Variants in CRIM1 observed in about 807,000 individuals in gnomAD.
CRIM1 encodes the protein cysteine-rich motor neuron 1 protein.
In CRIM1, 32 loss-of-function variants were observed where a neutral mutation model predicts 116.4. That is an observed-to-expected ratio of 0.27 (90% CI 0.21 to 0.37). The LOEUF is 0.37. CRIM1 is among the 10% of genes least tolerant of loss of function. The pLI is 1.00. For synonymous variants in CRIM1, 590 were observed against 509.2 expected (o/e 1.16, Z -2.13); for missense variants, 1,331 against 1,354.8 (o/e 0.98, Z 0.28).
intron 6 of CRIM1, among the ~76,000 whole-genome samples, chr2:36,477,363 A>G (rs1270244581): frequency 6.6e-6 from 1 of 152,082 alleles, no homozygotes; most frequent in African/African-American, 2.4e-5. Flanking sequence ...AGTTCTAGCA[A>G]TTCCTCAGCA....
intron 13 of CRIM1, among the ~76,000 whole-genome samples, chr2:36,532,481 CCA>C (rs1666184263): frequency 6.6e-6 from 1 of 152,172 alleles, no homozygotes; most frequent in Non-Finnish European, 1.5e-5. Flanking sequence ...TTGGTTATCT[CCA>C]CTCCTTGATA....
At chr2:36,449,790 A>G (rs957456008) in intron 4 of CRIM1, among the ~76,000 whole-genome samples, 7 of 152,140 alleles carry the variant, frequency 4.6e-5, no homozygotes, top group African/African-American at 1.7e-4. Flanking sequence ...GGAGAGATAT[A>G]TGGCTCGCCT....
At chr2:36,543,851 T>C (rs1667128818) in intron 14 of CRIM1, among the ~76,000 whole-genome samples, 1 of 152,152 alleles carries the variant, frequency 6.6e-6, no homozygotes, top group Non-Finnish European at 1.5e-5. Context: ...ATAATGGACA[T>C]CTGAGACTTA....
At chr2:36,475,830 G>A (rs76051101) in intron 5 of CRIM1, among the ~76,000 whole-genome samples, 1,550 of 152,202 alleles carry the variant, frequency 0.01, 30 homozygotes, top group African/African-American at 0.031. Context: ...TGTGTCTATC[G>A]AATGATCATG....
chr2:36,458,340 G>A (rs1415418174), intron 4 of CRIM1, among the ~76,000 whole-genome samples: 2 of 152,168 alleles, frequency 1.3e-5, no homozygotes, highest in Non-Finnish European at 2.9e-5. Flanking sequence ...TTTGCTGAAA[G>A]GGCTGTGGGA....
intron 4 of CRIM1, among the ~76,000 whole-genome samples, chr2:36,451,466 A>G (rs1308412378): frequency 6.6e-6 from 1 of 152,234 alleles, no homozygotes; most frequent in Non-Finnish European, 1.5e-5. Context: ...ATATGGAACA[A>G]CAGATGACAA....
chr2:36,391,224 G>A (rs1323470901), intron 1 of CRIM1, among the ~76,000 whole-genome samples: 1 of 143,672 alleles, frequency 7.0e-6, no homozygotes, highest in African/African-American at 2.6e-5. Context: ...CCGCCTCTGG[G>A]TTCATGACAT....
intron 2 of CRIM1, among the ~76,000 whole-genome samples, chr2:36,408,356 C>T (rs976755630): frequency 6.6e-6 from 1 of 152,192 alleles, no homozygotes. Context: ...GGTGACCTCT[C>T]AGTTTTTCCC....
At chr2:36,360,741 G>A (rs1292612522) in intron 1 of CRIM1, among the ~76,000 whole-genome samples, 3 of 152,110 alleles carry the variant, frequency 2.0e-5, no homozygotes, top group Non-Finnish European at 4.4e-5. Context: ...TGCACAAGCC[G>A]CATGGAAACT....
intron 1 of CRIM1, among the ~76,000 whole-genome samples, chr2:36,361,299 A>C (rs1250374578): frequency 1.3e-5 from 2 of 152,206 alleles, no homozygotes; most frequent in Non-Finnish European, 2.9e-5. Flanking sequence ...GGTTGGCAGT[A>C]GGGTTGTAAG....
At chr2:36,374,409 T>G (rs892567995) in intron 1 of CRIM1, among the ~76,000 whole-genome samples, 1 of 152,196 alleles carries the variant, frequency 6.6e-6, no homozygotes, top group African/African-American at 2.4e-5. Flanking sequence ...AAGAAACAAT[T>G]ATCTAAAATG....
intron 13 of CRIM1, among the ~76,000 whole-genome samples, chr2:36,537,090 T>A (rs919666551): frequency 5.3e-5 from 8 of 152,192 alleles, no homozygotes; most frequent in African/African-American, 1.9e-4. Flanking sequence ...TAGATGACAG[T>A]CTAAGGACAC....
intron 1 of CRIM1, among the ~76,000 whole-genome samples, chr2:36,395,272 G>A (rs1057327707): frequency 2.6e-5 from 4 of 152,036 alleles, no homozygotes; most frequent in Non-Finnish European, 4.4e-5. Flanking sequence ...AAAACGCTGG[G>A]ATTACAGGCA....
chr2:36,517,825 G>C (rs1025337758), intron 12 of CRIM1, among the ~76,000 whole-genome samples: 1 of 152,170 alleles, frequency 6.6e-6, no homozygotes, highest in South Asian at 2.1e-4. Context: ...AACTCGAGGC[G>C]TATACCTAAG....
chr2:36,415,548 T>C (rs1014699995), intron 2 of CRIM1, among the ~76,000 whole-genome samples: 2 of 152,198 alleles, frequency 1.3e-5, no homozygotes, highest in Non-Finnish European at 2.9e-5. Flanking sequence ...TTGTTTGGCT[T>C]CCCTTTAAAA....
chr2:36,397,286 A>G (rs958127470), intron 2 of CRIM1, among the ~76,000 whole-genome samples: 4 of 152,180 alleles, frequency 2.6e-5, no homozygotes, highest in Non-Finnish European at 4.4e-5. Flanking sequence ...TAGGCTCTTC[A>G]CCTCTGGAGA....
intron 8 of CRIM1, among the ~76,000 whole-genome samples, chr2:36,506,132 T>TGC (rs1489246392): frequency 4.2e-5 from 5 of 118,084 alleles, no homozygotes; most frequent in African/African-American, 1.2e-4. Flanking sequence ...CATTGCAGGG[T>TGC]GCACACACAC....
At position 36,474,847 on chromosome 2, in the gene CRIM1, C is replaced by CAAAAAAAA. The variant is rs56084308; in HGVS notation, c.992-2030_992-2023dup. On this transcript the variant is annotated intron_variant, in intron 5 of 16. Coordinates refer to ENST00000280527, the MANE Select transcript of CRIM1 (RefSeq NM_016441.3). Reference sequence around the variant, plus strand: ...TGGGTGACAGAGTGAGACTCTATATCAAAAAAAAAAAAAAAAAAAGACTTT... The same window carrying CAAAAAAAA: ...TGGGTGACAGAGTGAGACTCTATATCAAAAAAAAAAAAAAAAAAAAAAAAAAAGACTTT... Among the ~76,000 whole-genome samples, 59 of 90,734 alleles carry CAAAAAAAA rather than the reference C, an allele frequency of 6.5e-4. 2 individuals are homozygous for CAAAAAAAA. The highest frequency in any genetic ancestry group is 8.9e-4 in the Non-Finnish European group (44 of 49,652). The allele number at this position is 90,734 out of a possible 152,430, so 59.5% of individuals were successfully genotyped here.
At chr2:36,446,434 C>T (rs909751270) in intron 4 of CRIM1, among the ~76,000 whole-genome samples, 4 of 152,234 alleles carry the variant, frequency 2.6e-5, no homozygotes, top group African/African-American at 9.6e-5. Flanking sequence ...TCACTTTCCA[C>T]TTCTATCCCT....
Sources: gnomAD v4.1 joint callset for allele counts (sites outside exome capture counted in the v4.1 genomes callset) on GRCh38, gnomAD v4.1.1 for gene constraint, MANE v1.5 for transcripts, NCBI Gene and HGNC (gene_info 2026-07-23, HGNC 2026-07-21) for gene names.